Variants in TAS2R1 observed in about 807,000 individuals in gnomAD.
TAS2R1 encodes taste 2 receptor member 1, also known as taste receptor type 2 member 1.
For synonymous variants in TAS2R1, 141 were observed against 134.2 expected, an observed-to-expected ratio of 1.05 and a Z score of -0.35; for missense variants, 370 against 353.4, an observed-to-expected ratio of 1.05 and a Z score of -0.38.
chr5:9,672,152 C>T (rs1740779963), intron 1 of TAS2R1, among the ~76,000 whole-genome samples: 1 of 151,972 alleles, frequency 6.6e-6, no homozygotes, highest in African/African-American at 2.4e-5. Flanking sequence ...ATGATAAATC[C>T]AAGAGTTAAA....
the TAS2R1 span, among the ~76,000 whole-genome samples, chr5:9,764,279 T>C: frequency 0.25 from 38,606 of 152,146 alleles, 5,399 homozygotes; most frequent in Middle Eastern, 0.41. Context: ...TACCACCCTA[T>C]GTAGCTTCGG....
the TAS2R1 span, among the ~76,000 whole-genome samples, chr5:9,797,078 T>C: frequency 6.6e-6 from 1 of 152,164 alleles, no homozygotes; most frequent in Non-Finnish European, 1.5e-5. Flanking sequence ...GGAGTTTGAT[T>C]GGGCTCACCA....
At chr5:9,791,354 G>C in the TAS2R1 span, among the ~76,000 whole-genome samples, 1 of 152,162 alleles carries the variant, frequency 6.6e-6, no homozygotes, top group Non-Finnish European at 1.5e-5. Context: ...GACAGATCAG[G>C]TATCTCCAAC....
the TAS2R1 span, among the ~76,000 whole-genome samples, chr5:9,848,729 T>C: frequency 5.9e-4 from 88 of 147,932 alleles, 1 homozygote; most frequent in Admixed American, 9.9e-4. Context: ...TTGTCAATTA[T>C]ATATATATGT....
intron 2 of TAS2R1, among the ~76,000 whole-genome samples, chr5:9,655,094 G>A (rs753789625): frequency 5.3e-5 from 8 of 152,140 alleles, no homozygotes; most frequent in Non-Finnish European, 1.0e-4. Flanking sequence ...TTTAGAATAG[G>A]CCAAGTTAAC....
the TAS2R1 span, among the ~76,000 whole-genome samples, chr5:9,780,225 C>A: frequency 6.6e-6 from 1 of 152,228 alleles, no homozygotes; most frequent in African/African-American, 2.4e-5. Flanking sequence ...TACAGCAATT[C>A]TCCTGGGAAG....
the TAS2R1 span, among the ~76,000 whole-genome samples, chr5:9,823,990 G>A: frequency 6.6e-6 from 1 of 152,164 alleles, no homozygotes; most frequent in Non-Finnish European, 1.5e-5. Flanking sequence ...TTGCCTTGGA[G>A]GGCTGGGGGA....
the TAS2R1 span, among the ~76,000 whole-genome samples, chr5:9,729,881 T>A: frequency 6.6e-6 from 1 of 152,226 alleles, no homozygotes. Flanking sequence ...CTTCCTGTTT[T>A]TTCTCACTTT....
At chr5:9,658,356 C>A (rs370537610) in intron 2 of TAS2R1, 1 of 152,190 alleles carries the variant, frequency 6.6e-6, no homozygotes, top group Non-Finnish European at 1.5e-5. Flanking sequence ...TGCAAACGCA[C>A]GCATTATAGC....
the TAS2R1 span, among the ~76,000 whole-genome samples, chr5:9,754,773 G>A: frequency 6.6e-6 from 1 of 152,104 alleles, no homozygotes; most frequent in Non-Finnish European, 1.5e-5. Flanking sequence ...AACATTCCAC[G>A]CTCATGGGTA....
At chr5:9,727,561 C>T in the TAS2R1 span, among the ~76,000 whole-genome samples, 1 of 152,136 alleles carries the variant, frequency 6.6e-6, no homozygotes, top group Admixed American at 6.5e-5. Context: ...AAGAGATTCC[C>T]CAGACTGGAG....
chr5:9,711,096 C>T (rs1741726714), intron 1 of TAS2R1, among the ~76,000 whole-genome samples: 1 of 151,588 alleles, frequency 6.6e-6, no homozygotes, highest in Admixed American at 6.6e-5. Context: ...CTATGAAAAA[C>T]ACTATGGAGA....
chr5:9,870,459 T>C, the TAS2R1 span, among the ~76,000 whole-genome samples: 1 of 152,228 alleles, frequency 6.6e-6, no homozygotes, highest in Non-Finnish European at 1.5e-5. Flanking sequence ...TTTGTCTCTG[T>C]AGTCTTAGCT....
intron 1 of TAS2R1, among the ~76,000 whole-genome samples, chr5:9,679,089 G>A (rs1333215048): frequency 6.6e-6 from 1 of 152,162 alleles, no homozygotes; most frequent in Non-Finnish European, 1.5e-5. Flanking sequence ...CTATTACTAA[G>A]TGAAATGAGC....
At chr5:9,849,186 G>T in the TAS2R1 span, among the ~76,000 whole-genome samples, 8 of 152,304 alleles carry the variant, frequency 5.3e-5, no homozygotes, top group Admixed American at 5.2e-4. Flanking sequence ...AAGACACATG[G>T]ATCAGAATTA....
At chr5:9,784,567 G>A in the TAS2R1 span, among the ~76,000 whole-genome samples, 4 of 152,302 alleles carry the variant, frequency 2.6e-5, no homozygotes, top group South Asian at 6.2e-4. Context: ...TCGTCAAACC[G>A]CCAGCCTGCC....
chr5:9,738,071 G>A, the TAS2R1 span, among the ~76,000 whole-genome samples: 4 of 152,132 alleles, frequency 2.6e-5, no homozygotes, highest in Admixed American at 6.5e-5. Context: ...CATACTTGTC[G>A]TTAAAAGAAC....
the TAS2R1 span, among the ~76,000 whole-genome samples, chr5:9,785,059 C>T: frequency 6.6e-6 from 1 of 152,156 alleles, no homozygotes; most frequent in South Asian, 2.1e-4. Context: ...GAATGCATCT[C>T]TTCATAAAGA....
At chr5:9,876,603 A>T in the TAS2R1 span, among the ~76,000 whole-genome samples, 7 of 152,310 alleles carry the variant, frequency 4.6e-5, no homozygotes, top group East Asian at 9.6e-4. Flanking sequence ...TGGGGTTTTT[A>T]AAAAATATTA....
Sources: allele counts gnomAD v4.1 joint callset (sites outside exome capture counted in the v4.1 genomes callset), GRCh38; gene constraint gnomAD v4.1.1; transcripts MANE v1.5; gene names NCBI Gene and HGNC (gene_info 2026-07-23, HGNC 2026-07-21).